The following CHD9 variants were observed in gnomAD, a reference collection of about 807,000 sequenced individuals.
The protein encoded by CHD9 is chromodomain helicase DNA binding protein 9, also known as ATP-dependent chromatin remodeler CHD9.
CHD9 carries 77 observed loss-of-function variants against 316.1 expected under a neutral mutation model. The ratio of observed to expected loss-of-function variants is 0.24; its 90% CI spans 0.20 to 0.29. The LOEUF is 0.29. Among genes scored for constraint, CHD9 ranks in the 10% least tolerant of loss-of-function variants. The probability of loss-of-function intolerance (pLI) is 1.00; values close to 1 mark genes in which losing one functional copy is unlikely to be tolerated. For synonymous variants in CHD9, 1,129 were observed against 1,158.3 expected (o/e 0.97, Z 0.51); for missense variants, 2,763 against 3,438.1 (o/e 0.80, Z 4.91).
At chr16:53,082,166 C>A (rs1422789269) in intron 1 of CHD9, among the ~76,000 whole-genome samples, 1 of 152,056 alleles carries the variant, frequency 6.6e-6, no homozygotes, top group Admixed American at 6.6e-5. Context: ...AGTTCTCCAT[C>A]CTGTATTCTA....
intron 1 of CHD9, among the ~76,000 whole-genome samples, chr16:53,128,284 G>A (rs2039064209): frequency 6.6e-6 from 1 of 152,146 alleles, no homozygotes; most frequent in African/African-American, 2.4e-5. Context: ...CCAGATTCAA[G>A]CGATTCTCCT....
At chr16:53,181,199 T>C (rs1035098290) in intron 2 of CHD9, among the ~76,000 whole-genome samples, 13 of 152,050 alleles carry the variant, frequency 8.5e-5, no homozygotes, top group Non-Finnish European at 1.5e-4. Context: ...TTAGTAGACA[T>C]GGCGTTTCTC....
chr16:53,076,001 C>T (rs992213866), intron 1 of CHD9, among the ~76,000 whole-genome samples: 1 of 151,978 alleles, frequency 6.6e-6, no homozygotes, highest in South Asian at 2.1e-4. Context: ...TTTCCATTTC[C>T]CTAATAATTA....
intron 1 of CHD9, among the ~76,000 whole-genome samples, chr16:53,143,853 T>G (rs1008431394): frequency 1.3e-5 from 2 of 152,192 alleles, no homozygotes; most frequent in Non-Finnish European, 2.9e-5. Flanking sequence ...AAGGTCATAT[T>G]AGACTGAAAA....
chr16:53,146,125 C>T lies in CHD9; in HGVS notation c.-164-9801C>T, dbSNP rs2040553259. ...TTTTATGGCTAGGCACAGTGGCTCA[C>T]ACCTGTAATCCCAGCACTTTGGGAG... On this transcript the variant is annotated intron_variant, in intron 1 of 38. Transcript: ENST00000447540. Among the ~76,000 whole-genome samples the T allele has an allele frequency of 3.3e-5, 5 of 150,204 alleles. No individual in the cohort carries two copies. The South Asian group carries it at 8.4e-4, about 25-fold the overall frequency.
chr16:53,118,796 T>C lies in CHD9; in HGVS notation c.-164-37130T>C, dbSNP rs1005160911. On this transcript the variant is annotated intron_variant, in intron 1 of 38. Coordinates refer to ENST00000447540, the MANE Select transcript of CHD9 (RefSeq NM_001308319.2). ...TCTCAATAAAAAAGATAACTTTCTT[T>C]TTTTTTTTTTTTTTTTGACAGAGTC... 1.5e-4 allele frequency among the ~76,000 whole-genome samples: 23 copies of C among 148,456 alleles called. 1 individual carries two copies. Among genetic ancestry groups the C allele is most frequent in the Non-Finnish European group, 2.5e-4 (17 of 66,718 alleles).
chr16:53,140,359 A>G (rs62047991), intron 1 of CHD9, among the ~76,000 whole-genome samples: 36,009 of 149,856 alleles, frequency 0.24, 4,692 homozygotes, highest in Middle Eastern at 0.32. Context: ...AGAGGTTGCA[A>G]TGAGCTGAGA....
chr16:53,167,839 T>A (rs759821990), intron 2 of CHD9, among the ~76,000 whole-genome samples: 1 of 152,026 alleles, frequency 6.6e-6, no homozygotes, highest in Non-Finnish European at 1.5e-5. Context: ...AAAAATGTGC[T>A]ATGGGATTCA....
chr16:53,178,986 G>A (rs1402580199), intron 2 of CHD9, among the ~76,000 whole-genome samples: 1 of 151,828 alleles, frequency 6.6e-6, no homozygotes, highest in Non-Finnish European at 1.5e-5. Flanking sequence ...AATAACCACT[G>A]CATTCTAGCC....
rs897640804 is a variant in CHD9, at chr16:53,327,351, T to C, written c.*2456T>C. The C allele has an allele frequency of 2.0e-5, 3 of 152,522 alleles. No homozygotes were observed. Among genetic ancestry groups the C allele is most frequent in the African/African-American group, 7.2e-5 (3 of 41,436 alleles). 9.4% of individuals were successfully genotyped at this position (152,522 alleles called of 1,614,324 possible). On this transcript the variant is annotated 3_prime_UTR_variant, in exon 39 of 39. Transcript: ENST00000447540. ...TTTGGACATTTGCAATATTTACCAGTTGTGTTTTGTGTAGTCTGAATTTGC... is the reference window on the plus strand; with the variant it reads ...TTTGGACATTTGCAATATTTACCAGCTGTGTTTTGTGTAGTCTGAATTTGC...
At chr16:53,171,845 CACACACACACACACAG>C (rs1375540792) in intron 2 of CHD9, among the ~76,000 whole-genome samples, 37 of 75,784 alleles carry the variant, frequency 4.9e-4, no homozygotes, top group South Asian at 2.9e-3. Flanking sequence ...CACACACACA[CACACACACACACACAG>C]ACACACACAC....
At chr16:53,259,849 A>C (rs566711197) in intron 19 of CHD9, among the ~76,000 whole-genome samples, 3 of 152,238 alleles carry the variant, frequency 2.0e-5, no homozygotes, top group African/African-American at 7.2e-5. Flanking sequence ...AGTTCACGTA[A>C]GGCAAATACT....
intron 12 of CHD9, among the ~76,000 whole-genome samples, chr16:53,239,787 T>C (rs1450880365): frequency 6.6e-6 from 1 of 152,090 alleles, no homozygotes; most frequent in African/African-American, 2.4e-5. Context: ...ACCACTGCAC[T>C]GAAGCCTGGG....
chr16:53,088,139 C>G (rs2035623561), intron 1 of CHD9, among the ~76,000 whole-genome samples: 1 of 152,064 alleles, frequency 6.6e-6, no homozygotes. Context: ...ATGTAACAAG[C>G]TGACAGCATC....
chr16:53,324,523 T>C lies in CHD9; in HGVS notation c.8322T>C (p.Pro2774=). The change falls in exon 39 of 39, where the codon CCT becomes CCC. Residue 2774 remains proline, a synonymous_variant. Coordinates refer to ENST00000447540, the MANE Select transcript of CHD9 (RefSeq NM_001308319.2). ...GAGAAAACTCTGTGTCAAGTTCTCCTTCCACATCCTCTACTGCTGCATTAA... is the reference window on the plus strand; with the variant it reads ...GAGAAAACTCTGTGTCAAGTTCTCCCTCCACATCCTCTACTGCTGCATTAA... ...NGGENSVSSS[P]STSSTAALNT... 6.2e-7 allele frequency: 1 copy of C among 1,613,956 alleles called. No homozygotes were observed. Among genetic ancestry groups the C allele is most frequent in the Non-Finnish European group, 8.5e-7 (1 of 1,179,868 alleles).
chr16:53,215,655 A>G (rs1013693219), intron 3 of CHD9, among the ~76,000 whole-genome samples: 1 of 152,132 alleles, frequency 6.6e-6, no homozygotes, highest in Non-Finnish European at 1.5e-5. Flanking sequence ...TCTTATGATG[A>G]ATTGGATGTA....
At chr16:53,227,291 G>A in intron 5 of CHD9, 105 bp from the exon 6 acceptor site, 4 of 686,860 alleles carry the variant, frequency 5.8e-6, no homozygotes, top group Admixed American at 3.1e-5. Flanking sequence ...CATATATGCT[G>A]TATAAATATT....
At chr16:53,160,774 G>A (rs2041852730) in intron 2 of CHD9, among the ~76,000 whole-genome samples, 1 of 152,198 alleles carries the variant, frequency 6.6e-6, no homozygotes, top group Non-Finnish European at 1.5e-5. Context: ...GGGCGTGGTG[G>A]CCCATGCCTG....
intron 2 of CHD9, among the ~76,000 whole-genome samples, chr16:53,171,861 GACAC>G (rs750572537): frequency 0.094 from 11,670 of 124,720 alleles, 464 homozygotes; most frequent in African/African-American, 0.11. Context: ...CACACACACA[GACAC>G]ACACACACAC....
Sources: allele counts gnomAD v4.1 joint callset (sites outside exome capture counted in the v4.1 genomes callset), GRCh38; gene constraint gnomAD v4.1.1; transcripts MANE v1.5; gene names NCBI Gene and HGNC (gene_info 2026-07-23, HGNC 2026-07-21).